Variants in OOSP4A observed in about 807,000 individuals in gnomAD.
OOSP4A encodes oocyte-secreted protein 4A.
intron 1 of OOSP4A, 128 bp from the exon 2 acceptor site, chr11:59,965,407 A>T (rs1262478856): frequency 2.5e-6 from 1 of 396,244 alleles, no homozygotes. Context: ...AAAATATACA[A>T]ATAGGAGCAA....
exon 1 of OOSP4A, chr11:59,964,069 C>G (rs1238404271): frequency 5.1e-6 from 2 of 394,850 alleles, no homozygotes; most frequent in African/African-American, 4.2e-5. Flanking sequence ...GCTCCTCATG[C>G]TTTTCGAGTT....
rs1854092828 is a variant in OOSP4A, at chr11:59,965,798, C to T, written c.246+85C>T. ...CCAATGACTAAAACTGCAGTATTCA[C>T]ATTTTAATTGTCAGTTAATTTAATA... is the stretch of plus-strand genomic sequence containing the variant. On this transcript the variant is annotated intron_variant, in intron 2 of 4. Coordinates refer to ENST00000645590, the Ensembl canonical transcript of OOSP4A. 1.5e-5 allele frequency: 6 copies of T among 396,940 alleles called. No individual in the cohort carries two copies. The Admixed American group carries it at 1.8e-4, about 12-fold the overall frequency. The allele number at this position is 396,940 out of a possible 1,614,324, so 24.6% of individuals were successfully genotyped here.
At chr11:59,969,111 T>C in intron 3 of OOSP4A, 39 bp from the exon 4 acceptor site, 1 of 398,126 alleles carries the variant, frequency 2.5e-6, no homozygotes, top group Non-Finnish European at 4.4e-6. Context: ...AAAAGCATAA[T>C]ATATACAAAG....
At chr11:59,966,146 A>G (rs1203004569) in intron 2 of OOSP4A, among the ~76,000 whole-genome samples, 1 of 151,356 alleles carries the variant, frequency 6.6e-6, no homozygotes, top group Non-Finnish European at 1.5e-5. Context: ...AGAGAAATCA[A>G]TCTTTCCAGT....
At chr11:59,969,943 T>C (rs1854138370) in intron 4 of OOSP4A, 106 bp from the exon 5 acceptor site, 1 of 394,358 alleles carries the variant, frequency 2.5e-6, no homozygotes, top group Admixed American at 4.4e-5. Flanking sequence ...GGGTTTAAAA[T>C]TGATGCCTTT....
exon 3 of OOSP4A, chr11:59,967,155 A>T: frequency 2.5e-6 from 1 of 398,092 alleles, no homozygotes. Flanking sequence ...GTATCATGCT[A>T]TGTGCAAAGG....
intron 4 of OOSP4A, 143 bp downstream of exon 4, chr11:59,969,427 A>G (rs143061032): frequency 6.2e-4 from 245 of 395,540 alleles, no homozygotes; most frequent in African/African-American, 4.7e-3. Flanking sequence ...GGAATACTGC[A>G]TTTTTTATGT....
In OOSP4A at chr11:59,967,053, CT is replaced by C. The variant is rs1854108404; in HGVS notation, c.247-11del. On this transcript the variant is annotated splice_polypyrimidine_tract_variant and intron_variant, in intron 2 of 4. Transcript: ENST00000645590. ...AGATATAATTAAGATAATTTATATC[CT>C]TTACACCTTTAGGAACATGGAGTAG... The C allele has an allele frequency of 5.0e-6, 2 of 397,604 alleles. No homozygotes were observed. Among genetic ancestry groups the C allele is most frequent in the Admixed American group, 8.8e-5 (2 of 22,684 alleles). 24.6% of individuals were successfully genotyped at this position (397,604 alleles called of 1,614,324 possible).
chr11:59,965,736 C>G (rs778567263), intron 2 of OOSP4A, 23 bp downstream of exon 2: 2 of 398,272 alleles, frequency 5.0e-6, no homozygotes, highest in Non-Finnish European at 8.9e-6. Flanking sequence ...ATTATTTCAA[C>G]CAATAATATA....
chr11:59,970,041 C>A lies in OOSP4A; in HGVS notation c.480-8C>A. ...AACAATGTAACTGTTTCTTTTCCGTCCTTACAGGAACAGTGTTCCCTTGTT... is the reference window on the plus strand; with the variant it reads ...AACAATGTAACTGTTTCTTTTCCGTACTTACAGGAACAGTGTTCCCTTGTT... On this transcript the variant is annotated splice_polypyrimidine_tract_variant and splice_region_variant and intron_variant, in intron 4 of 4. Transcript: ENST00000645590. The A allele has an allele frequency of 2.5e-6, 1 of 398,040 alleles. No homozygotes were observed. The highest frequency in any genetic ancestry group is 1.3e-4 in the South Asian group (1 of 7,854). The allele number at this position is 398,040 out of a possible 1,614,324, so 24.7% of individuals were successfully genotyped here.
intron 4 of OOSP4A, 121 bp from the exon 5 acceptor site, chr11:59,969,928 C>T (rs1854138346): frequency 7.6e-6 from 3 of 392,538 alleles, no homozygotes; most frequent in Non-Finnish European, 1.3e-5. Context: ...TTATAATGGT[C>T]CCTGGGGTTT....
At chr11:59,967,747 A>G (rs1318663683) in intron 3 of OOSP4A, among the ~76,000 whole-genome samples, 3 of 152,008 alleles carry the variant, frequency 2.0e-5, no homozygotes, top group Non-Finnish European at 4.4e-5. Context: ...GCAATGAGAG[A>G]GTAAAGCAGG....
Position 59,966,984 on chromosome 11 carries a change from T to G in OOSP4A, c.247-83T>G, listed in dbSNP as rs578133177. 6 of 393,208 alleles carry G rather than the reference T, an allele frequency of 1.5e-5. No homozygotes were observed. In the South Asian group the frequency reaches 5.6e-4, roughly 36 times the overall value. 24.4% of individuals were successfully genotyped at this position (393,208 alleles called of 1,614,324 possible). ...AAAATAAAAGTAAAAATTATTTTGT[T>G]TTTAATCTATATTTTTAAAATGGAA... On this transcript the variant is annotated intron_variant, in intron 2 of 4. Transcript: ENST00000645590.
intron 3 of OOSP4A, among the ~76,000 whole-genome samples, chr11:59,967,573 A>AT (rs1179855030): frequency 6.6e-6 from 1 of 151,950 alleles, no homozygotes; most frequent in Non-Finnish European, 1.5e-5. Flanking sequence ...CAAAATCAGT[A>AT]TTTTCTCAAT....
intron 1 of OOSP4A, among the ~76,000 whole-genome samples, chr11:59,964,852 T>C (rs1052276085): frequency 2.0e-5 from 3 of 152,170 alleles, no homozygotes; most frequent in Admixed American, 2.0e-4. Context: ...TATATTTTTC[T>C]ATTGTGTGCA....
chr11:59,968,617 C>A (rs368556525), intron 3 of OOSP4A, among the ~76,000 whole-genome samples: 1 of 152,238 alleles, frequency 6.6e-6, no homozygotes, highest in Non-Finnish European at 1.5e-5. Context: ...CCCTTTTCTA[C>A]ACCTGCATGT....
chr11:59,967,218 T>A, intron 3 of OOSP4A, 54 bp downstream of exon 3: 1 of 397,010 alleles, frequency 2.5e-6, no homozygotes, highest in Non-Finnish European at 4.4e-6. Context: ...TTTTGCCTTC[T>A]AGGTGTTCTG....
chr11:59,968,398 T>C (rs75250470), intron 3 of OOSP4A, among the ~76,000 whole-genome samples: 1,597 of 152,360 alleles, frequency 0.01, 30 homozygotes, highest in African/African-American at 0.035. Context: ...TCTTCGTCCA[T>C]ACAACTGCCA....
chr11:59,966,312 ATTTG>A (rs1260211130), intron 2 of OOSP4A, among the ~76,000 whole-genome samples: 2 of 151,298 alleles, frequency 1.3e-5, no homozygotes, highest in African/African-American at 4.9e-5. Context: ...TGACTTTATC[ATTTG>A]TTTGCTGCTG....
Sources: gnomAD v4.1 joint callset for allele counts (sites outside exome capture counted in the v4.1 genomes callset) on GRCh38, gnomAD v4.1.1 for gene constraint, MANE v1.5 for transcripts, NCBI Gene and HGNC (gene_info 2026-07-23, HGNC 2026-07-21) for gene names.